Variants in TUBD1 observed in about 807,000 individuals in gnomAD.
TUBD1 encodes the protein tubulin delta 1.
TUBD1 carries 38 observed loss-of-function variants against 51.2 expected under a neutral mutation model. That is an observed-to-expected ratio of 0.74 (90% CI 0.57 to 0.97). The LOEUF (loss-of-function observed/expected upper bound fraction) is 0.97, where lower values mean the gene tolerates loss of function less well. TUBD1 is among the 50% of genes least tolerant of loss of function. TUBD1 has a pLI of 0.00. For missense variants in TUBD1, 489 were observed against 538.4 expected, an observed-to-expected ratio of 0.91 and a Z score of 0.91; for synonymous variants, 169 against 178.2, an observed-to-expected ratio of 0.95 and a Z score of 0.41.
chr17:59,888,269 A>C (rs2040826083), intron 2 of TUBD1, among the ~76,000 whole-genome samples: 1 of 152,086 alleles, frequency 6.6e-6, no homozygotes, highest in Non-Finnish European at 1.5e-5. Context: ...CGGAGGATGG[A>C]TGTGATAGAC....
At chr17:59,890,598 G>A (rs78916108) in intron 2 of TUBD1, among the ~76,000 whole-genome samples, 6,452 of 152,286 alleles carry the variant, frequency 0.042, 480 homozygotes, top group African/African-American at 0.15. Flanking sequence ...GAAGAAGAAA[G>A]CCAGTCAATA....
At chr17:59,877,777 CAAA>C (rs11288183) in intron 5 of TUBD1, among the ~76,000 whole-genome samples, 3 of 128,976 alleles carry the variant, frequency 2.3e-5, no homozygotes, top group Non-Finnish European at 3.4e-5. Flanking sequence ...GACTCTGTCT[CAAA>C]AAAAAAAAAA....
At chr17:59,882,429 G>A (rs2040530241) in intron 3 of TUBD1, among the ~76,000 whole-genome samples, 1 of 151,846 alleles carries the variant, frequency 6.6e-6, no homozygotes, top group African/African-American at 2.4e-5. Context: ...TGGGATTAAA[G>A]GTGCGCGCCA....
At chr17:59,891,418 AG>A (rs947017414) in intron 1 of TUBD1, among the ~76,000 whole-genome samples, 15 of 151,958 alleles carry the variant, frequency 9.9e-5, no homozygotes, top group Non-Finnish European at 1.5e-4. Context: ...TACAGGCTTG[AG>A]CCACCACGCC....
At chr17:59,863,506 G>A (rs2039556922) in intron 8 of TUBD1, among the ~76,000 whole-genome samples, 158 bp downstream of exon 8, 2 of 151,934 alleles carry the variant, frequency 1.3e-5, no homozygotes, top group African/African-American at 2.4e-5. Context: ...CTACTTGGGA[G>A]GCTGCAGCAG....
intron 2 of TUBD1, among the ~76,000 whole-genome samples, chr17:59,889,632 G>T (rs1327869456): frequency 2.4e-4 from 33 of 137,416 alleles, no homozygotes; most frequent in African/African-American, 8.9e-4. Flanking sequence ...TCGCACCACT[G>T]CACTCCAGTC....
rs375139027 is a variant in TUBD1 at position 59,878,249 on chromosome 17, G to A, written c.623C>T (p.Ala208Val). 16 of 1,614,058 alleles carry A rather than the reference G, an allele frequency of 9.9e-6. No individual in the cohort carries two copies. The African/African-American group carries it at 1.1e-4, about 11-fold the overall frequency. The change falls in exon 5 of 9, where the codon GCC becomes GTC. Residue 208 changes from alanine (A) to valine (V), a missense_variant. Physicochemically the swap from Ala to Val is moderately conservative, Grantham distance 64. Transcript: ENST00000325752. ...SDALLLHENDAIHKICAKLMN... is the reference protein window; with the variant it reads ...SDALLLHENDVIHKICAKLMN... ...CAGTTTTGCACAGATCTTATGGATG[G>A]CATCATTCTCATGAAGAAGGAGGGC...
At chr17:59,889,010 CTTTTTTT>C (rs756097623) in intron 2 of TUBD1, among the ~76,000 whole-genome samples, 1 of 55,796 alleles carries the variant, frequency 1.8e-5, no homozygotes, top group Admixed American at 2.8e-4. Flanking sequence ...CCATGCCTGG[CTTTTTTT>C]TTTTTTTTTT....
At position 59,886,153 on chromosome 17, in the gene TUBD1, C is replaced by T. The variant is rs774833143; in HGVS notation, c.250G>A (p.Gly84Ser). 3 of 1,613,770 alleles carry T rather than the reference C, an allele frequency of 1.9e-6. No individual in the cohort carries two copies. The highest frequency in any genetic ancestry group is 2.5e-6 in the Non-Finnish European group (3 of 1,179,882). ...GCATGTTGACCATATTTCCATTGGC[C>T]AGACTGGGCAGCCTTTGACAGCATT... Reference protein sequence around the residue: ...NQMLSKAAQSGQWKYGQHACF... With the variant: ...NQMLSKAAQSSQWKYGQHACF... Residue 84 changes from glycine to serine, a missense_variant, in exon 3 of 9, where the codon GGC becomes AGC. Coordinates refer to ENST00000325752, the MANE Select transcript of TUBD1 (RefSeq NM_016261.4).
At chr17:59,879,445 CT>C (rs928555189) in intron 4 of TUBD1, among the ~76,000 whole-genome samples, 16 of 151,872 alleles carry the variant, frequency 1.1e-4, no homozygotes, top group Non-Finnish European at 2.1e-4. Flanking sequence ...TCTTCTCTGA[CT>C]TTTTTTTGAA....
intron 5 of TUBD1, among the ~76,000 whole-genome samples, chr17:59,876,436 C>T (rs1346734072): frequency 6.6e-6 from 1 of 151,056 alleles, no homozygotes; most frequent in Non-Finnish European, 1.5e-5. Context: ...CTCACTGCAA[C>T]CTCTGCCTCC....
intron 5 of TUBD1, among the ~76,000 whole-genome samples, 153 bp downstream of exon 5, chr17:59,877,950 G>C (rs2040301168): frequency 6.6e-6 from 1 of 152,140 alleles, no homozygotes; most frequent in Non-Finnish European, 1.5e-5. Context: ...TTTTCAATAA[G>C]ACAGTTCAGA....
In TUBD1 at chr17:59,881,068, G is replaced by T. The variant is rs2040466799; in HGVS notation, c.363C>A (p.Asn121Lys). The T allele has an allele frequency of 6.2e-7, 1 of 1,614,102 alleles. No individual in the cohort carries two copies. The highest frequency in any genetic ancestry group is 1.1e-5 in the South Asian group (1 of 91,082). The change falls in exon 4 of 9, where the codon AAC becomes AAA. Residue 121 changes from asparagine (N) to lysine (K), a missense_variant. Physicochemically the swap from Asn to Lys is moderately conservative, Grantham distance 94. Transcript: ENST00000325752. The stretch of plus-strand genomic sequence containing the variant: ...ATTTCTCCACTTCCTTCCGGATTAT[G>T]TTCATTATAGATTCTTCATGCCTGG... ...HGPRHEESIMNIIRKEVEKCD... is the reference protein window; with the variant it reads ...HGPRHEESIMKIIRKEVEKCD...
chr17:59,866,745 A>G lies in TUBD1; in HGVS notation c.939T>C (p.Ile313=). Residue 313 remains isoleucine (I), a synonymous_variant, in exon 7 of 9, where the codon ATT becomes ATC. Transcript: ENST00000325752. ...LISNAKMEEG[I]DRHVWPPLSG... ...ATAAAGGAGGCCATACATGCCTATC[A>G]ATACCTACCAAAAGAAAAAAAAAGC... is the stretch of plus-strand genomic sequence containing the variant. The G allele has an allele frequency of 6.3e-7, 1 of 1,589,038 alleles. No homozygotes were observed. The highest frequency in any genetic ancestry group is 8.5e-7 in the Non-Finnish European group (1 of 1,173,660).
At chr17:59,861,383 G>A (rs1343877176) in intron 8 of TUBD1, among the ~76,000 whole-genome samples, 1 of 151,784 alleles carries the variant, frequency 6.6e-6, no homozygotes, top group Non-Finnish European at 1.5e-5. Flanking sequence ...ATTTTTAGTA[G>A]AGGTGGGGTT....
At chr17:59,873,093 G>T (rs1177625861) in intron 6 of TUBD1, among the ~76,000 whole-genome samples, 1 of 151,912 alleles carries the variant, frequency 6.6e-6, no homozygotes, top group African/African-American at 2.4e-5. Context: ...AGGAATGCAA[G>T]AGATAACAAT....
Position 59,863,681 on chromosome 17 carries a change from C to G in TUBD1, c.1242G>C (p.Trp414Cys), listed in dbSNP as rs1350898394. The G allele has an allele frequency of 1.3e-6, 2 of 1,578,310 alleles. No homozygotes were observed. The highest frequency in any genetic ancestry group is 4.6e-5 in the East Asian group (2 of 43,760). ...ATACTTACTTTGAAGCAAACATATT[C>G]CATGCCTTCCCAACAATCATATCAA... ...KPLDMIVGKA[W>C]NMFASKAYIH... Residue 414 changes from tryptophan (W) to cysteine (C), a missense_variant, in exon 8 of 9, where the codon TGG becomes TGC. Transcript: ENST00000325752.
chr17:59,887,514 G>A (rs1235093866), intron 2 of TUBD1, among the ~76,000 whole-genome samples: 1 of 152,182 alleles, frequency 6.6e-6, no homozygotes, highest in Non-Finnish European at 1.5e-5. Context: ...GCTCAGAATT[G>A]TTGGAGCAGA....
chr17:59,874,313 A>G (rs368473902), intron 6 of TUBD1, among the ~76,000 whole-genome samples: 1 of 152,152 alleles, frequency 6.6e-6, no homozygotes, highest in East Asian at 1.9e-4. Flanking sequence ...TTTGATTAAA[A>G]TAAAAATTTA....
Sources: allele counts gnomAD v4.1 joint callset (sites outside exome capture counted in the v4.1 genomes callset), GRCh38; gene constraint gnomAD v4.1.1; transcripts MANE v1.5; gene names NCBI Gene and HGNC (gene_info 2026-07-23, HGNC 2026-07-21).